Variants in ARHGAP31 observed in about 807,000 individuals in gnomAD.
ARHGAP31 encodes the protein rho GTPase-activating protein 31.
In ARHGAP31, 34 loss-of-function variants were observed where a neutral mutation model predicts 113.9. The observed-to-expected ratio is 0.30, with a 90% CI of 0.23 to 0.40. The LOEUF (loss-of-function observed/expected upper bound fraction) is 0.40. Ranked by LOEUF, ARHGAP31 falls within the 10% of genes least tolerant of loss-of-function variation. The pLI is 1.00. For missense variants in ARHGAP31, 1,548 were observed against 1,767.1 expected (o/e 0.88, Z 2.22); for synonymous variants, 650 against 684.8 (o/e 0.95, Z 0.79).
intron 8 of ARHGAP31, among the ~76,000 whole-genome samples, chr3:119,398,403 C>A (rs1226502505): frequency 6.6e-6 from 1 of 152,196 alleles, no homozygotes; most frequent in Non-Finnish European, 1.5e-5. Flanking sequence ...GGCTACTAGT[C>A]CTGGGCCTCC....
chr3:119,351,177 A>G (rs557763689), intron 1 of ARHGAP31, among the ~76,000 whole-genome samples: 13 of 152,318 alleles, frequency 8.5e-5, no homozygotes, highest in Non-Finnish European at 1.9e-4. Flanking sequence ...TACCTAGGGG[A>G]ATTCAAAGAA....
In ARHGAP31 at chr3:119,390,833, C is replaced by G. The variant is rs2080497402; in HGVS notation, c.731C>G (p.Pro244Arg). Reference protein sequence around the residue: ...KSLTLPALSLPMKLVSLEEAQ... With the variant: ...KSLTLPALSLRMKLVSLEEAQ... ...CTGACCTTGCCAGCCCTCTCCCTGC[C>G]CATGAAGCTGGTGAGCCTTGAGGAA... The change falls in exon 7 of 12, where the codon CCC (proline) becomes CGC (arginine). Residue 244 changes from proline (P) to arginine (R), a missense_variant. Coordinates refer to ENST00000264245, the MANE Select transcript of ARHGAP31 (RefSeq NM_020754.4). 6.2e-7 allele frequency: 1 copy of G among 1,613,640 alleles called. No individual in the cohort carries two copies. The highest frequency in any genetic ancestry group is 8.5e-7 in the Non-Finnish European group (1 of 1,180,030).
chr3:119,357,669 T>A lies in ARHGAP31; in HGVS notation c.101-7647T>A, dbSNP rs531931173. Among the ~76,000 whole-genome samples the A allele has an allele frequency of 4.6e-5, 7 of 152,342 alleles. No homozygotes were observed. The East Asian group carries it at 1.3e-3, about 29-fold the overall frequency. On this transcript the variant is annotated intron_variant, in intron 1 of 11. Coordinates refer to ENST00000264245, the MANE Select transcript of ARHGAP31 (RefSeq NM_020754.4). ...TGTAGGGAAAATGAGAAGTACAGTATAAACACTTCTCACTCTTTTTTTCCT... is the reference window on the plus strand; with the variant it reads ...TGTAGGGAAAATGAGAAGTACAGTAAAAACACTTCTCACTCTTTTTTTCCT...
chr3:119,295,611 C>T (rs1470904667), intron 1 of ARHGAP31, among the ~76,000 whole-genome samples: 1 of 152,124 alleles, frequency 6.6e-6, no homozygotes, highest in African/African-American at 2.4e-5. Context: ...CCTGCAAGAC[C>T]TTTTCCCTCC....
At chr3:119,339,768 G>C (rs2079991781) in intron 1 of ARHGAP31, among the ~76,000 whole-genome samples, 1 of 152,022 alleles carries the variant, frequency 6.6e-6, no homozygotes, top group African/African-American at 2.4e-5. Context: ...TTATATAAAA[G>C]TTAGCTCAAA....
rs549801254 is a variant in ARHGAP31 at position 119,377,296 on chromosome 3, C to G, written c.349-3608C>G. ...GTAAGACATAGATCTATAATGAGAA[C>G]TCTTGATAAGTACTATGAAGAAAAA... On this transcript the variant is annotated intron_variant, in intron 3 of 11. Transcript: ENST00000264245. Among the ~76,000 whole-genome samples, 9 of 152,272 alleles carry G rather than the reference C, an allele frequency of 5.9e-5. No individual in the cohort carries two copies. The East Asian group carries it at 1.7e-3, about 29-fold the overall frequency.
chr3:119,414,776 T>C lies in ARHGAP31; in HGVS notation c.2847T>C (p.Leu949=). 6.2e-7 allele frequency: 1 copy of C among 1,614,190 alleles called. No individual in the cohort carries two copies. Among genetic ancestry groups the C allele is most frequent in the Non-Finnish European group, 8.5e-7 (1 of 1,180,026 alleles). ...LEKRLSHRPS[L]RQSHSLDSKP... The stretch of plus-strand genomic sequence containing the variant: ...AGAGGCTTTCCCACAGGCCCAGCCT[T>C]CGCCAGAGCCATTCTCTAGATAGCA... Residue 949 remains leucine (L), a synonymous_variant, in exon 12 of 12, where the codon CTT becomes CTC. Transcript: ENST00000264245.
rs1320156822 is a variant in ARHGAP31, at chr3:119,417,771, GAACT to G, written c.*1510_*1513del. Reference sequence around the variant, plus strand: ...CCTTTCCAGCTGGCGAGAGAAAGGAGAACTAATATACCTGCTGGCAGATTTTTGG... The same window carrying G: ...CCTTTCCAGCTGGCGAGAGAAAGGAGAATATACCTGCTGGCAGATTTTTGG... On this transcript the variant is annotated 3_prime_UTR_variant, in exon 12 of 12. Coordinates refer to ENST00000264245, the MANE Select transcript of ARHGAP31 (RefSeq NM_020754.4). 5.9e-5 allele frequency: 9 copies of G among 152,218 alleles called. No individual in the cohort carries two copies. The South Asian group carries it at 1.0e-3, about 18-fold the overall frequency. 9.4% of individuals were successfully genotyped at this position (152,218 alleles called of 1,614,324 possible).
chr3:119,337,675 G>A (rs2079969810), intron 1 of ARHGAP31, among the ~76,000 whole-genome samples: 1 of 152,188 alleles, frequency 6.6e-6, no homozygotes, highest in Non-Finnish European at 1.5e-5. Flanking sequence ...TTTACTGAGT[G>A]ATGATTGGTG....
chr3:119,412,245 G>A (rs895700398), intron 11 of ARHGAP31, among the ~76,000 whole-genome samples: 3 of 152,136 alleles, frequency 2.0e-5, no homozygotes, highest in South Asian at 2.1e-4. Context: ...AAAATTAGCC[G>A]GGTGTGGTGG....
chr3:119,325,727 T>G (rs1216226683), intron 1 of ARHGAP31, among the ~76,000 whole-genome samples: 1 of 152,150 alleles, frequency 6.6e-6, no homozygotes, highest in East Asian at 1.9e-4. Context: ...GGCAAAACAG[T>G]GGCGAGAAGA....
chr3:119,360,968 G>A (rs1392986913), intron 1 of ARHGAP31, among the ~76,000 whole-genome samples: 4 of 152,286 alleles, frequency 2.6e-5, no homozygotes, highest in Admixed American at 6.5e-5. Context: ...GACCTCCAGC[G>A]TCAGTCCTTC....
chr3:119,383,017 G>A, intron 5 of ARHGAP31, 67 bp from the exon 6 acceptor site: 1 of 1,589,998 alleles, frequency 6.3e-7, no homozygotes, highest in Admixed American at 1.7e-5. Context: ...AAGGCCCACT[G>A]GCTCCTCTTG....
At chr3:119,300,523 T>A (rs1052545511) in intron 1 of ARHGAP31, among the ~76,000 whole-genome samples, 2 of 151,930 alleles carry the variant, frequency 1.3e-5, no homozygotes, top group Admixed American at 1.3e-4. Context: ...TAAAGGGCCC[T>A]CAAAAGGCCT....
chr3:119,315,446 T>C (rs2079720781), intron 1 of ARHGAP31, among the ~76,000 whole-genome samples: 1 of 152,252 alleles, frequency 6.6e-6, no homozygotes, highest in Non-Finnish European at 1.5e-5. Context: ...TCATCCGCTC[T>C]GAACTTAGCA....
At chr3:119,410,878 A>G (rs1454460841) in intron 11 of ARHGAP31, among the ~76,000 whole-genome samples, 2 of 152,216 alleles carry the variant, frequency 1.3e-5, no homozygotes, top group Non-Finnish European at 2.9e-5. Flanking sequence ...CTGGGGTGCT[A>G]TGGAAGCATG....
In ARHGAP31 at chr3:119,342,473, G is replaced by T. The variant is rs2080016988; in HGVS notation, c.101-22843G>T. ...CATGTTTCAGTAAGGTTCTTAAAAA[G>T]GCTGGGACCAACCAGAGGCTGTGAT... On this transcript the variant is annotated intron_variant, in intron 1 of 11. Coordinates refer to ENST00000264245, the MANE Select transcript of ARHGAP31 (RefSeq NM_020754.4). Among the ~76,000 whole-genome samples, 3 of 152,292 alleles carry T rather than the reference G, an allele frequency of 2.0e-5. No homozygotes were observed. The South Asian group carries it at 6.2e-4, about 32-fold the overall frequency.
intron 1 of ARHGAP31, among the ~76,000 whole-genome samples, chr3:119,315,116 A>C (rs1039433594): frequency 2.6e-5 from 4 of 152,174 alleles, no homozygotes; most frequent in Non-Finnish European, 5.9e-5. Context: ...ATACTCAAAA[A>C]CATAAGCAAG....
chr3:119,399,161 T>G lies in ARHGAP31; in HGVS notation c.1007-38T>G, dbSNP rs1248032687. The G allele has an allele frequency of 3.2e-6, 5 of 1,565,962 alleles. No homozygotes were observed. The African/African-American group carries it at 6.8e-5, about 21-fold the overall frequency. ...TATTTTTCTGAATGCTTTCTGTTAA[T>G]ATGCATTCATCAAGGATATTTTTTC... On this transcript the variant is annotated intron_variant, in intron 8 of 11. Coordinates refer to ENST00000264245, the MANE Select transcript of ARHGAP31 (RefSeq NM_020754.4).
Sources: gnomAD v4.1 joint callset for allele counts (sites outside exome capture counted in the v4.1 genomes callset) on GRCh38, gnomAD v4.1.1 for gene constraint, MANE v1.5 for transcripts, NCBI Gene and HGNC (gene_info 2026-07-23, HGNC 2026-07-21) for gene names.